PTPRD: variants seen among roughly 807,000 people sequenced by gnomAD.
The protein encoded by PTPRD is protein tyrosine phosphatase receptor type D, also known as receptor-type tyrosine-protein phosphatase delta.
Under a neutral mutation model 214.5 loss-of-function variants are expected in PTPRD, and 34 were observed. The ratio of observed to expected loss-of-function variants is 0.16; its 90% CI spans 0.12 to 0.21. The LOEUF (loss-of-function observed/expected upper bound fraction) is 0.21, where lower values mean the gene tolerates loss of function less well. Ranked by LOEUF, PTPRD falls within the 10% of genes least tolerant of loss-of-function variation. PTPRD has a pLI of 1.00. For missense variants in PTPRD, 2,545 were observed against 2,398.7 expected, an observed-to-expected ratio of 1.06 and a Z score of -1.27; for synonymous variants, 1,128 against 845.7, an observed-to-expected ratio of 1.33 and a Z score of -5.79.
intron 8 of PTPRD, among the ~76,000 whole-genome samples, chr9:9,572,917 C>A (rs547397180): frequency 6.6e-6 from 1 of 151,624 alleles, no homozygotes; most frequent in Non-Finnish European, 1.5e-5. Flanking sequence ...TAGGGAGCAA[C>A]TGAACTCTTA....
At chr9:10,090,594 C>T (rs535739438) in intron 3 of PTPRD, among the ~76,000 whole-genome samples, 3 of 143,610 alleles carry the variant, frequency 2.1e-5, no homozygotes, top group Non-Finnish European at 3.0e-5. Flanking sequence ...GGGCAAAATA[C>T]TCACTTGCAG....
intron 39 of PTPRD, among the ~76,000 whole-genome samples, chr9:8,370,901 T>C (rs2081335339): frequency 6.6e-6 from 1 of 152,104 alleles, no homozygotes; most frequent in East Asian, 1.9e-4. Context: ...CTGCTGTTTT[T>C]TCTTCTGTGA....
intron 12 of PTPRD, among the ~76,000 whole-genome samples, chr9:8,650,793 T>C (rs796294690): frequency 2.6e-5 from 4 of 152,240 alleles, no homozygotes; most frequent in East Asian, 1.9e-4. Context: ...CCTTTTAAAG[T>C]AAGTATAATT....
At chr9:9,942,200 C>T (rs747464732) in intron 4 of PTPRD, among the ~76,000 whole-genome samples, 21 of 152,176 alleles carry the variant, frequency 1.4e-4, no homozygotes, top group African/African-American at 3.4e-4. Context: ...GAAATACAAA[C>T]GAATACAACC....
chr9:9,037,838 G>T (rs931220693), intron 10 of PTPRD, among the ~76,000 whole-genome samples: 1 of 152,272 alleles, frequency 6.6e-6, no homozygotes, highest in East Asian at 1.9e-4. Context: ...GCACCTGGAA[G>T]CACAGTGAAA....
chr9:9,764,554 T>A (rs886116651), intron 6 of PTPRD, among the ~76,000 whole-genome samples: 1 of 152,106 alleles, frequency 6.6e-6, no homozygotes, highest in Non-Finnish European at 1.5e-5. Context: ...ATGATTGAGA[T>A]TATTATTAAG....
intron 4 of PTPRD, among the ~76,000 whole-genome samples, chr9:9,940,083 T>C (rs368696072): frequency 6.6e-6 from 1 of 152,160 alleles, no homozygotes; most frequent in South Asian, 2.1e-4. Context: ...GTGTGGGCTG[T>C]ATGTGGGGAA....
At chr9:10,160,913 T>C (rs1289619422) in intron 3 of PTPRD, among the ~76,000 whole-genome samples, 2 of 151,980 alleles carry the variant, frequency 1.3e-5, no homozygotes, top group African/African-American at 4.8e-5. Flanking sequence ...GTAGCAGTTA[T>C]ATAATTCTTC....
At chr9:9,739,329 A>G (rs1338998391) in intron 6 of PTPRD, among the ~76,000 whole-genome samples, 3 of 152,220 alleles carry the variant, frequency 2.0e-5, no homozygotes, top group Non-Finnish European at 4.4e-5. Context: ...ATATCATAAT[A>G]AGAAAGCACA....
chr9:9,447,270 G>A (rs548910583), intron 8 of PTPRD, among the ~76,000 whole-genome samples: 39 of 152,256 alleles, frequency 2.6e-4, no homozygotes, highest in African/African-American at 8.9e-4. Flanking sequence ...CAACCTAAAT[G>A]TCCAGCAATG....
chr9:8,885,838 C>T (rs938437113), intron 11 of PTPRD, among the ~76,000 whole-genome samples: 1 of 152,098 alleles, frequency 6.6e-6, no homozygotes, highest in East Asian at 1.9e-4. Context: ...CATGTCAGAT[C>T]AAATGCTTTC....
intron 3 of PTPRD, among the ~76,000 whole-genome samples, chr9:10,220,570 A>C (rs2099567538): frequency 1.3e-5 from 2 of 151,964 alleles, no homozygotes; most frequent in Admixed American, 6.6e-5. Context: ...TTAAAAAGTT[A>C]ATTGACAGCT....
intron 14 of PTPRD, among the ~76,000 whole-genome samples, chr9:8,598,834 G>T (rs937147909): frequency 3.3e-5 from 5 of 152,122 alleles, no homozygotes; most frequent in African/African-American, 9.7e-5. Flanking sequence ...GAGCCAAGTT[G>T]GAATCATTAA....
At chr9:9,613,042 C>T (rs1299617217) in intron 7 of PTPRD, among the ~76,000 whole-genome samples, 3 of 149,192 alleles carry the variant, frequency 2.0e-5, no homozygotes, top group African/African-American at 7.5e-5. Context: ...GGGCTGGGGC[C>T]TAAGCTTCGC....
chr9:8,353,560 G>A (rs1448699144), intron 39 of PTPRD, among the ~76,000 whole-genome samples: 1 of 151,986 alleles, frequency 6.6e-6, no homozygotes, highest in Non-Finnish European at 1.5e-5. Context: ...AGCCTCCTGA[G>A]TAGCTGGGAT....
intron 9 of PTPRD, among the ~76,000 whole-genome samples, chr9:9,377,444 T>G (rs1209064676): frequency 6.6e-6 from 1 of 152,132 alleles, no homozygotes; most frequent in East Asian, 1.9e-4. Flanking sequence ...ATAATAATAT[T>G]AATTTGTTGA....
At chr9:8,946,219 T>G (rs1014027815) in intron 11 of PTPRD, among the ~76,000 whole-genome samples, 10 of 152,174 alleles carry the variant, frequency 6.6e-5, no homozygotes, top group African/African-American at 2.4e-4. Context: ...AATTACTTGT[T>G]TTTTTGTTCC....
intron 12 of PTPRD, among the ~76,000 whole-genome samples, chr9:8,709,058 A>T (rs1184160677): frequency 6.6e-6 from 1 of 152,090 alleles, no homozygotes; most frequent in East Asian, 1.9e-4. Context: ...GATTTCATAG[A>T]AGTAGAAAGT....
At chr9:10,048,992 T>C (rs2097463154) in intron 3 of PTPRD, among the ~76,000 whole-genome samples, 1 of 151,992 alleles carries the variant, frequency 6.6e-6, no homozygotes, top group African/African-American at 2.4e-5. Flanking sequence ...ACTCGGGTAG[T>C]TCAAGAGCAA....
Sources: gnomAD v4.1 joint callset for allele counts (sites outside exome capture counted in the v4.1 genomes callset) on GRCh38, gnomAD v4.1.1 for gene constraint, MANE v1.5 for transcripts, NCBI Gene and HGNC (gene_info 2026-07-23, HGNC 2026-07-21) for gene names.